COL14A1: variants seen among roughly 807,000 people sequenced by gnomAD.
COL14A1 encodes the protein collagen alpha-1(XIV) chain.
In COL14A1, 136 loss-of-function variants were observed where a neutral mutation model predicts 230.3. The observed-to-expected ratio is 0.59, with a 90% CI of 0.51 to 0.68. The LOEUF is 0.68. COL14A1 is among the 30% of genes least tolerant of loss of function. COL14A1 has a pLI of 0.00. For synonymous variants in COL14A1, 792 were observed against 784.1 expected (o/e 1.01, Z -0.17); for missense variants, 1,976 against 2,215.8 (o/e 0.89, Z 2.17).
intron 18 of COL14A1, among the ~76,000 whole-genome samples, chr8:120,229,500 C>T (rs1160180140): frequency 6.6e-6 from 1 of 151,988 alleles, no homozygotes; most frequent in Non-Finnish European, 1.5e-5. Flanking sequence ...TTTTCTTAAT[C>T]CAGTCTATCA....
At position 120,208,347 on chromosome 8, in the gene COL14A1, G is replaced by C. The variant is rs1277455255; in HGVS notation, c.1307G>C (p.Gly436Ala). The C allele has an allele frequency of 6.2e-7, 1 of 1,612,554 alleles. No individual in the cohort carries two copies. The highest frequency in any genetic ancestry group is 8.5e-7 in the Non-Finnish European group (1 of 1,179,194). ...CACACTGCTAGTGAAGGCCTACGGG[G>C]AACTGAAACTACACGTATGTATTTA... ...YAHTASEGLRGTETTLALPMA... is the reference protein window; with the variant it reads ...YAHTASEGLRATETTLALPMA... The change falls in exon 11 of 48, where the codon GGA becomes GCA. Residue 436 changes from glycine (G) to alanine (A), a missense_variant. This residue lies in a region of COL14A1 where 1,791 missense variants were observed against 2,019.5 expected (regional missense o/e 0.89). Coordinates refer to ENST00000297848, the MANE Select transcript of COL14A1 (RefSeq NM_021110.4).
At chr8:120,315,832 C>A in intron 39 of COL14A1, 112 bp from the exon 40 acceptor site, 1 of 1,100,206 alleles carries the variant, frequency 9.1e-7, no homozygotes, top group Non-Finnish European at 1.4e-6. Context: ...ACAAAGGGTT[C>A]ACCATTATGC....
rs532512096 is a variant in COL14A1 at position 120,145,436 on chromosome 8, T to G, written c.-37-2370T>G. On this transcript the variant is annotated intron_variant, in intron 1 of 47. Transcript: ENST00000297848. ...GAGTTTGAGACCAGCATGGGCAACA[T>G]GATGAAATCCCGTCTCTACTAAAAA... Among the ~76,000 whole-genome samples the G allele has an allele frequency of 2.6e-5, 4 of 152,254 alleles. No individual in the cohort carries two copies. The East Asian group carries it at 7.7e-4, about 29-fold the overall frequency.
At position 120,238,359 on chromosome 8, in the gene COL14A1, C is replaced by T. The variant is rs138508896; in HGVS notation, c.2350-5520C>T. Among the ~76,000 whole-genome samples the T allele has an allele frequency of 1.6e-3, 247 of 152,230 alleles. 5 individuals are homozygous for T. The highest frequency in any genetic ancestry group is 5.3e-3 in the African/African-American group (221 of 41,546). ...TGGCTACAGTGGTTTTGTGGTGCTGCGGTAGGCTCTGCCCAGTCCAAACTT... is the reference window on the plus strand; with the variant it reads ...TGGCTACAGTGGTTTTGTGGTGCTGTGGTAGGCTCTGCCCAGTCCAAACTT... On this transcript the variant is annotated intron_variant, in intron 19 of 47. Coordinates refer to ENST00000297848, the MANE Select transcript of COL14A1 (RefSeq NM_021110.4).
At chr8:120,197,367 C>G (rs1264265196) in intron 6 of COL14A1, among the ~76,000 whole-genome samples, 1 of 151,960 alleles carries the variant, frequency 6.6e-6, no homozygotes, top group African/African-American at 2.4e-5. Flanking sequence ...AGTTGTAAAT[C>G]TTTGAGCAAT....
intron 42 of COL14A1, among the ~76,000 whole-genome samples, chr8:120,334,903 A>G (rs2130231622): frequency 6.6e-6 from 1 of 152,356 alleles, no homozygotes; most frequent in South Asian, 2.1e-4. Context: ...GTTTTAGGAC[A>G]TGAAAGGCTT....
chr8:120,180,701 CTT>C (rs34377563), intron 5 of COL14A1, among the ~76,000 whole-genome samples: 215 of 83,572 alleles, frequency 2.6e-3, no homozygotes, highest in African/African-American at 9.2e-3. Context: ...GGTAGGAAGC[CTT>C]TTTTTTTTTT....
chr8:120,218,215 T>TATAA (rs1359181980), intron 14 of COL14A1, among the ~76,000 whole-genome samples: 2 of 139,816 alleles, frequency 1.4e-5, no homozygotes, highest in Non-Finnish European at 3.0e-5. Flanking sequence ...ATATATAATA[T>TATAA]ATAAATATAA....
intron 1 of COL14A1, among the ~76,000 whole-genome samples, chr8:120,131,838 C>CTTTTTT (rs1172286717): frequency 1.3e-4 from 9 of 68,980 alleles, no homozygotes; most frequent in African/African-American, 4.0e-4. Flanking sequence ...TTCTTCCTTT[C>CTTTTTT]TTTTTTTTTT....
At chr8:120,175,713 C>A (rs574913029) in intron 5 of COL14A1, among the ~76,000 whole-genome samples, 3 of 152,234 alleles carry the variant, frequency 2.0e-5, no homozygotes, top group Non-Finnish European at 4.4e-5. Flanking sequence ...ATATGGCCTG[C>A]AAAGACTAAA....
Position 120,228,766 on chromosome 8 carries a change from T to G in COL14A1, c.2194T>G (p.Ser732Ala), listed in dbSNP as rs1247477213. ...TTIVPTTSVT[S>A]VFQTGIRNLV... ...CATAGTGCCTACCACATCTGTGACT[T>G]CAGGTAAGGTCAAATAGTAGCCTGC... Residue 732 changes from serine (S) to alanine (A), a missense_variant, in exon 18 of 48, where the codon TCA becomes GCA. Physicochemically the swap from Ser to Ala is moderately conservative, Grantham distance 99 (BLOSUM62 1). Transcript: ENST00000297848. 9.9e-6 allele frequency: 16 copies of G among 1,613,640 alleles called. No homozygotes were observed. Among genetic ancestry groups the G allele is most frequent in the Middle Eastern group, 1.7e-4 (1 of 6,054 alleles).
At chr8:120,332,840 A>C in intron 42 of COL14A1, 105 bp downstream of exon 42, 1 of 825,508 alleles carries the variant, frequency 1.2e-6, no homozygotes, top group Non-Finnish European at 1.9e-6. Flanking sequence ...TTTATTCAGC[A>C]CTGGACTCTA....
At chr8:120,201,842 G>C (rs140271076) in intron 8 of COL14A1, among the ~76,000 whole-genome samples, 1 of 152,246 alleles carries the variant, frequency 6.6e-6, no homozygotes, top group East Asian at 1.9e-4. Flanking sequence ...CCAAAGTCGT[G>C]ATGACCATTT....
chr8:120,361,049 G>A lies in COL14A1; in HGVS notation c.5078-6122G>A, dbSNP rs538895041. 3.3e-5 allele frequency among the ~76,000 whole-genome samples: 5 copies of A among 151,934 alleles called. No individual in the cohort carries two copies. The South Asian group carries it at 1.0e-3, about 32-fold the overall frequency. ...ATCCTACCAGAAGCCACTAGGCTCT[G>A]GGCTCCAGTCACATTTTTTTTTTCT... On this transcript the variant is annotated intron_variant, in intron 45 of 47. Transcript: ENST00000297848.
At chr8:120,350,048 C>G (rs1822689654) in intron 45 of COL14A1, among the ~76,000 whole-genome samples, 1 of 144,844 alleles carries the variant, frequency 6.9e-6, no homozygotes, top group African/African-American at 2.6e-5. Context: ...TCGGCAGAAA[C>G]CCTACAAGCC....
At chr8:120,159,627 A>G (rs114285928) in intron 3 of COL14A1, among the ~76,000 whole-genome samples, 1,579 of 152,260 alleles carry the variant, frequency 0.01, 27 homozygotes, top group African/African-American at 0.036. Flanking sequence ...CAAACAAGAC[A>G]AGCAGATGAA....
chr8:120,362,422 G>A (rs1188162724), intron 45 of COL14A1, among the ~76,000 whole-genome samples: 1 of 152,188 alleles, frequency 6.6e-6, no homozygotes, highest in East Asian at 1.9e-4. Flanking sequence ...ATCAAATTTT[G>A]TATTCCATTC....
chr8:120,158,890 A>G (rs1329640968), intron 3 of COL14A1, among the ~76,000 whole-genome samples: 1 of 152,184 alleles, frequency 6.6e-6, no homozygotes, highest in Non-Finnish European at 1.5e-5. Flanking sequence ...TTATATGAAT[A>G]TAATAAGCTA....
At chr8:120,149,789 C>A (rs1035362440) in intron 2 of COL14A1, among the ~76,000 whole-genome samples, 16 of 151,388 alleles carry the variant, frequency 1.1e-4, no homozygotes, top group African/African-American at 3.9e-4. Flanking sequence ...CTGCCTCCTG[C>A]GTTCAAGCAA....
Sources: allele counts gnomAD v4.1 joint callset (sites outside exome capture counted in the v4.1 genomes callset), GRCh38; gene constraint gnomAD v4.1.1; regional missense constraint gnomAD v4.1.1; transcripts MANE v1.5; gene names NCBI Gene and HGNC (gene_info 2026-07-23, HGNC 2026-07-21).